RPS6KA2: variants seen among roughly 807,000 people sequenced by gnomAD.
RPS6KA2 encodes ribosomal protein S6 kinase A2, also known as ribosomal protein S6 kinase alpha-2.
In RPS6KA2, 42 loss-of-function variants were observed where a neutral mutation model predicts 91.8. The observed-to-expected ratio is 0.46, with a 90% CI of 0.36 to 0.59. The LOEUF is 0.59. Ranked by LOEUF, RPS6KA2 falls within the 20% of genes least tolerant of loss-of-function variation. RPS6KA2 has a pLI of 0.00. For missense variants in RPS6KA2, 798 were observed against 978.5 expected (o/e 0.82, Z 2.46); for synonymous variants, 414 against 393.6 (o/e 1.05, Z -0.61).
intron 2 of RPS6KA2, among the ~76,000 whole-genome samples, chr6:166,809,064 G>A (rs966555042): frequency 6.6e-6 from 1 of 152,184 alleles, no homozygotes; most frequent in Non-Finnish European, 1.5e-5. Context: ...AAAGCTCAGA[G>A]AGAGACCACA....
intron 2 of RPS6KA2, among the ~76,000 whole-genome samples, chr6:166,699,189 C>T (rs1789439128): frequency 6.6e-6 from 1 of 152,150 alleles, no homozygotes; most frequent in Non-Finnish European, 1.5e-5. Context: ...AATAGAAAGG[C>T]TGTGGTCAGA....
chr6:166,698,764 G>A (rs554485450), intron 2 of RPS6KA2, among the ~76,000 whole-genome samples: 14 of 152,302 alleles, frequency 9.2e-5, no homozygotes, highest in South Asian at 4.1e-4. Context: ...ACTCGTCAGC[G>A]GACGGGAGGT....
chr6:166,654,884 C>T (rs563940473), intron 2 of RPS6KA2, among the ~76,000 whole-genome samples: 4 of 152,256 alleles, frequency 2.6e-5, no homozygotes, highest in South Asian at 2.1e-4. Context: ...CCTTTCCCAT[C>T]GTAATTAATA....
intron 2 of RPS6KA2, among the ~76,000 whole-genome samples, chr6:166,728,619 A>C (rs974259670): frequency 6.6e-6 from 1 of 152,142 alleles, no homozygotes; most frequent in Non-Finnish European, 1.5e-5. Flanking sequence ...AATCCAGACA[A>C]ATTGCTTGAC....
intron 2 of RPS6KA2, among the ~76,000 whole-genome samples, chr6:166,814,414 C>T (rs6920605): frequency 0.62 from 94,098 of 152,034 alleles, 30,750 homozygotes; most frequent in Non-Finnish European, 0.74. Context: ...TACTTTCTTA[C>T]GAATTATTTA....
intron 11 of RPS6KA2, among the ~76,000 whole-genome samples, chr6:166,468,909 T>C (rs912631147): frequency 4.7e-5 from 7 of 149,988 alleles, no homozygotes; most frequent in Non-Finnish European, 1.0e-4. Context: ...GATAATAAAC[T>C]CTATACTGTA....
intron 5 of RPS6KA2, among the ~76,000 whole-genome samples, chr6:166,505,126 G>A: frequency 6.6e-6 from 1 of 152,258 alleles, no homozygotes; most frequent in South Asian, 2.1e-4. Flanking sequence ...AACCCAAAGT[G>A]GGATTAGTTC....
At chr6:166,820,972 T>C (rs1449193103) in intron 2 of RPS6KA2, among the ~76,000 whole-genome samples, 1 of 152,228 alleles carries the variant, frequency 6.6e-6, no homozygotes, top group African/African-American at 2.4e-5. Context: ...CTCTCACAGA[T>C]GAATTTTTAA....
In RPS6KA2 at chr6:166,434,053, C is replaced by A. The variant is rs1318968728; in HGVS notation, c.1333-1563G>T. Among the ~76,000 whole-genome samples the A allele has an allele frequency of 1.3e-5, 2 of 152,212 alleles. No homozygotes were observed. The highest frequency in any genetic ancestry group is 1.3e-4 in the Admixed American group (2 of 15,284). On this transcript the variant is annotated intron_variant, in intron 14 of 20. Transcript: ENST00000265678. The surrounding 1 kb of genome is among the most constrained non-coding windows in gnomAD (Gnocchi z 4.4). Reference sequence around the variant, plus strand: ...GAGATTACAGGCATGAGCAACTACACCTGGCTATTTCTTTACTTTAGAGAA... The same window carrying A: ...GAGATTACAGGCATGAGCAACTACAACTGGCTATTTCTTTACTTTAGAGAA...
rs35844557 is a variant in RPS6KA2 at position 166,822,789 on chromosome 6, C to CAATGAATGAATG, written c.123+35399_123+35410dup. 4.7e-5 allele frequency among the ~76,000 whole-genome samples: 7 copies of CAATGAATGAATG among 149,292 alleles called. No homozygotes were observed. The South Asian group carries it at 1.0e-3, about 22-fold the overall frequency. On this transcript the variant is annotated intron_variant, in intron 2 of 21. Coordinates refer to the RPS6KA2 transcript ENST00000503859. ...ACATAGGGGCTCAGCACGTGTTTTC[C>CAATGAATGAATG]AATGAATGAATGAATGAATGAATGA...
chr6:166,427,601 A>C (rs1778971192), intron 16 of RPS6KA2, among the ~76,000 whole-genome samples: 1 of 152,244 alleles, frequency 6.6e-6, no homozygotes, highest in Admixed American at 6.5e-5. Flanking sequence ...AACTTCAGCA[A>C]AGTCTCAGGA....
chr6:166,743,987 G>A (rs1021279436), intron 2 of RPS6KA2, among the ~76,000 whole-genome samples: 3 of 152,148 alleles, frequency 2.0e-5, no homozygotes, highest in Admixed American at 1.3e-4. Flanking sequence ...GGCACTTTCC[G>A]AAGATCTGTC....
chr6:166,474,488 C>T (rs924260345), intron 10 of RPS6KA2, among the ~76,000 whole-genome samples: 2 of 152,150 alleles, frequency 1.3e-5, no homozygotes, highest in Non-Finnish European at 2.9e-5. Flanking sequence ...CTCAGAATAT[C>T]TCATGAGTTT....
At chr6:166,766,186 T>C (rs1226220637) in intron 2 of RPS6KA2, among the ~76,000 whole-genome samples, 6 of 152,246 alleles carry the variant, frequency 3.9e-5, no homozygotes, top group Admixed American at 6.5e-5. Flanking sequence ...ATACCTTCAA[T>C]TGGTGAAATT....
chr6:166,621,976 T>A (rs1204551881), intron 1 of RPS6KA2, among the ~76,000 whole-genome samples: 1 of 152,176 alleles, frequency 6.6e-6, no homozygotes, highest in Admixed American at 6.5e-5. Flanking sequence ...TTGCCCCACA[T>A]GTGAGAAACA....
At chr6:166,728,933 C>T (rs945291597) in intron 2 of RPS6KA2, among the ~76,000 whole-genome samples, 2 of 152,112 alleles carry the variant, frequency 1.3e-5, no homozygotes, top group African/African-American at 4.8e-5. Flanking sequence ...CTTTGGTTTA[C>T]TTTACTTCAG....
intron 2 of RPS6KA2, among the ~76,000 whole-genome samples, chr6:166,857,930 A>G (rs1448052998): frequency 2.0e-5 from 3 of 152,226 alleles, no homozygotes; most frequent in Non-Finnish European, 4.4e-5. Context: ...ACAAGTGCCC[A>G]TGCCAGGAGA....
At chr6:166,680,670 A>G (rs892567528) in intron 2 of RPS6KA2, among the ~76,000 whole-genome samples, 1 of 152,216 alleles carries the variant, frequency 6.6e-6, no homozygotes, top group African/African-American at 2.4e-5. Flanking sequence ...TTGCAGCTTC[A>G]TTCCTAAAGT....
intron 1 of RPS6KA2, among the ~76,000 whole-genome samples, chr6:166,546,647 T>G (rs1293378313): frequency 6.6e-6 from 1 of 152,210 alleles, no homozygotes; most frequent in Non-Finnish European, 1.5e-5. Context: ...CAGTGAGACC[T>G]ATTGGGATAA....
Sources: allele counts gnomAD v4.1 joint callset (sites outside exome capture counted in the v4.1 genomes callset), GRCh38; gene constraint gnomAD v4.1.1; non-coding constraint Gnocchi (gnomAD v3.1); transcripts MANE v1.5; gene names NCBI Gene and HGNC (gene_info 2026-07-23, HGNC 2026-07-21).